ZNF875: variants seen among roughly 807,000 people sequenced by gnomAD.
The protein encoded by ZNF875 is HKR1, GLI-Kruppel zinc finger family member.
ZNF875 carries 14 observed loss-of-function variants against 11.2 expected under a neutral mutation model. The observed-to-expected ratio is 1.26, with a 90% CI of 0.83 to 1.96. The LOEUF is 1.96. ZNF875 is among the 30% of genes most tolerant of loss of function. The probability of loss-of-function intolerance (pLI) is 0.00; values close to 1 mark genes in which losing one functional copy is unlikely to be tolerated. For missense variants in ZNF875, 752 were observed against 760.4 expected, an observed-to-expected ratio of 0.99 and a Z score of 0.13; for synonymous variants, 301 against 281.1, an observed-to-expected ratio of 1.07 and a Z score of -0.71.
rs1311291901 is a variant in ZNF875 at position 37,362,372 on chromosome 19, T to A, written c.520T>A (p.Ser174Thr). 2.5e-6 allele frequency: 4 copies of A among 1,613,912 alleles called. No individual in the cohort carries two copies. The highest frequency in any genetic ancestry group is 2.7e-5 in the African/African-American group (2 of 74,904). The change falls in exon 5 of 5, where the codon TCA becomes ACA. Residue 174 changes from serine (S) to threonine (T), a missense_variant. By Grantham distance (58) the Ser-to-Thr change is moderately conservative. Transcript: ENST00000392153. ...LFGRVSKNGT[S>T]KALSSPPEEQ... ...TGGGAGAGTAAGCAAAAATGGCACT[T>A]CAAAGGCACTTTCCAGCCCACCTGA... is the stretch of plus-strand genomic sequence containing the variant.
rs771408577 is a variant in ZNF875 at position 37,363,104 on chromosome 19, G to A, written c.1252G>A (p.Gly418Arg). Residue 418 changes from glycine (G) to arginine (R), a missense_variant, in exon 5 of 5, where the codon GGA becomes AGA. By Grantham distance (125) the Gly-to-Arg change is moderately radical. Transcript: ENST00000392153. ...CATCAGACACTTAAGGACACACACAGGAGAGAAGCCTTATGTATGCACAGA... is the reference window on the plus strand; with the variant it reads ...CATCAGACACTTAAGGACACACACAAGAGAGAAGCCTTATGTATGCACAGA... ...HLIRHLRTHT[G>R]EKPYVCTECG... The A allele has an allele frequency of 1.2e-6, 2 of 1,613,958 alleles. No individual in the cohort carries two copies. The highest frequency in any genetic ancestry group is 1.1e-5 in the South Asian group (1 of 91,072).
chr19:37,332,583 C>G (rs1451868894), upstream of ZNF875, among the ~76,000 whole-genome samples: 4 of 152,200 alleles, frequency 2.6e-5, no homozygotes, highest in Non-Finnish European at 5.9e-5. Context: ...CCTCATTCTA[C>G]AGGTTTAGAT....
At chr19:37,339,552 T>TA (rs1339244273) in intron 2 of ZNF875, among the ~76,000 whole-genome samples, 2 of 147,056 alleles carry the variant, frequency 1.4e-5, no homozygotes, top group South Asian at 2.3e-4. Context: ...CAGTTTTTTT[T>TA]TTTTTTTTTT....
At chr19:37,348,161 G>C (rs544328921) in intron 4 of ZNF875, among the ~76,000 whole-genome samples, 1 of 152,136 alleles carries the variant, frequency 6.6e-6, no homozygotes, top group Admixed American at 6.6e-5. Context: ...CTTAAAAATT[G>C]CATCTACCCA....
intron 4 of ZNF875, among the ~76,000 whole-genome samples, chr19:37,325,853 A>C (rs551409600): frequency 6.6e-6 from 1 of 152,008 alleles, no homozygotes; most frequent in Non-Finnish European, 1.5e-5. Flanking sequence ...GACCACAAAC[A>C]TGTGCCACCA....
At chr19:37,334,876 G>T in intron 1 of ZNF875, 94 bp downstream of exon 1, 1 of 460,182 alleles carries the variant, frequency 2.2e-6, no homozygotes, top group South Asian at 1.6e-5. Context: ...CAGAACTAGG[G>T]CGCTCTCCTT....
intron 2 of ZNF875, among the ~76,000 whole-genome samples, chr19:37,323,242 C>T (rs56743641): frequency 0.08 from 12,085 of 151,844 alleles, 731 homozygotes; most frequent in African/African-American, 0.17. Context: ...CAACCTCCGT[C>T]TCCTGGGTTC....
At chr19:37,319,938 G>A (rs1341441821) in intron 1 of ZNF875, among the ~76,000 whole-genome samples, 1 of 152,186 alleles carries the variant, frequency 6.6e-6, no homozygotes, top group Non-Finnish European at 1.5e-5. Context: ...CCAGGCTGGA[G>A]TGTAGTGGTG....
intron 4 of ZNF875, among the ~76,000 whole-genome samples, chr19:37,352,286 G>A (rs1214310448): frequency 3.3e-5 from 5 of 151,310 alleles, no homozygotes; most frequent in Admixed American, 2.6e-4. Context: ...GCACTTTCTC[G>A]GGCGTGGCTT....
At chr19:37,354,905 C>G (rs60574955) in intron 4 of ZNF875, among the ~76,000 whole-genome samples, 1 of 152,174 alleles carries the variant, frequency 6.6e-6, no homozygotes, top group Non-Finnish European at 1.5e-5. Context: ...AATGGGCTAC[C>G]ATCCAACCTC....
At position 37,362,766 on chromosome 19, in the gene ZNF875, CAG is replaced by C. The variant is rs201417310; in HGVS notation, c.915_916del (p.Lys308ThrfsTer40). 2.1e-4 allele frequency: 341 copies of C among 1,613,834 alleles called. No individual in the cohort carries two copies. Among genetic ancestry groups the C allele is most frequent in the South Asian group, 5.2e-4 (47 of 91,034 alleles). ...CTGATCACACATCAGAGGACACACT[CAG>C]GGGAGAAACCTTATGTGTGCAAGGA... On this transcript the variant is annotated frameshift_variant, in exon 5 of 5. Coordinates refer to ENST00000392153, the MANE Select transcript of ZNF875 (RefSeq NM_001353803.2). LOFTEE classifies it low-confidence loss of function (END_TRUNC).
chr19:37,361,109 C>CTTTTTTT (rs772368148), intron 4 of ZNF875, among the ~76,000 whole-genome samples: 2 of 115,822 alleles, frequency 1.7e-5, no homozygotes, highest in African/African-American at 3.5e-5. Flanking sequence ...TTGTCTTCTC[C>CTTTTTTT]TTTTTTTTTT....
intron 2 of ZNF875, among the ~76,000 whole-genome samples, chr19:37,341,170 C>G (rs1370213297): frequency 1.3e-5 from 2 of 152,156 alleles, no homozygotes; most frequent in African/African-American, 4.8e-5. Flanking sequence ...ACATTAGTCA[C>G]CACGTATTTT....
intron 4 of ZNF875, among the ~76,000 whole-genome samples, chr19:37,361,231 C>T (rs2039862543): frequency 6.6e-6 from 1 of 151,788 alleles, no homozygotes; most frequent in African/African-American, 2.4e-5. Context: ...CTGCCTCAGC[C>T]TCCCAAGTAG....
upstream of ZNF875, among the ~76,000 whole-genome samples, chr19:37,331,469 A>C (rs974886960): frequency 1.6e-4 from 24 of 151,170 alleles, no homozygotes; most frequent in Admixed American, 4.0e-4. Flanking sequence ...CCATTTTGTT[A>C]TGTACTAAGA....
chr19:37,350,841 G>C (rs929259998), intron 4 of ZNF875, among the ~76,000 whole-genome samples: 3 of 23,656 alleles, frequency 1.3e-4, no homozygotes, highest in African/African-American at 5.5e-4. Context: ...TTTTGTTCTT[G>C]TCCCCCAGGC....
intron 2 of ZNF875, among the ~76,000 whole-genome samples, chr19:37,336,851 T>A (rs2034552983): frequency 6.6e-6 from 1 of 151,962 alleles, no homozygotes; most frequent in Non-Finnish European, 1.5e-5. Flanking sequence ...GGGGTTGCAG[T>A]GAGCTGAGAT....
At chr19:37,335,864 C>G (rs1404135043) in intron 2 of ZNF875, among the ~76,000 whole-genome samples, 1 of 152,174 alleles carries the variant, frequency 6.6e-6, no homozygotes, top group African/African-American at 2.4e-5. Context: ...TCCCTTTGGT[C>G]TTTTCGGCTC....
chr19:37,342,423 T>G (rs1418661667), intron 2 of ZNF875, among the ~76,000 whole-genome samples: 1 of 151,446 alleles, frequency 6.6e-6, no homozygotes, highest in Non-Finnish European at 1.5e-5. Flanking sequence ...TTTTTTTTTT[T>G]TTTTTTGAGA....
Sources: gnomAD v4.1 joint callset for allele counts (sites outside exome capture counted in the v4.1 genomes callset) on GRCh38, gnomAD v4.1.1 for gene constraint, MANE v1.5 for transcripts, NCBI Gene and HGNC (gene_info 2026-07-23, HGNC 2026-07-21) for gene names.